SHOC1: variants seen among roughly 807,000 people sequenced by gnomAD.
SHOC1 encodes the protein shortage in chiasmata 1.
A neutral mutation model predicts 179.2 loss-of-function variants in SHOC1; 136 were observed. That is an observed-to-expected ratio of 0.76 (90% CI 0.66 to 0.87). The LOEUF (loss-of-function observed/expected upper bound fraction) is 0.87, where lower values mean the gene tolerates loss of function less well. SHOC1 is among the 40% of genes least tolerant of loss of function. SHOC1 has a pLI of 0.00. For missense variants in SHOC1, 1,538 were observed against 1,700.8 expected (o/e 0.90, Z 1.68); for synonymous variants, 489 against 586.6 (o/e 0.83, Z 2.41).
At position 111,726,833 on chromosome 9, in the gene SHOC1, C is replaced by G. The variant is rs1237445078; in HGVS notation, c.1834+800G>C. Among the ~76,000 whole-genome samples, 3 of 151,976 alleles carry G rather than the reference C, an allele frequency of 2.0e-5. No homozygotes were observed. The South Asian group carries it at 6.2e-4, about 31-fold the overall frequency. On this transcript the variant is annotated intron_variant, in intron 13 of 27. Coordinates refer to ENST00000682961, the MANE Select transcript of SHOC1 (RefSeq NM_001378211.1). ...AAGTGCTTTATAAAGCATAAAGATA[C>G]CTGTATTTATGATAATATTATTAAC...
At chr9:111,720,464 T>G (rs1832983500) in intron 15 of SHOC1, among the ~76,000 whole-genome samples, 1 of 152,180 alleles carries the variant, frequency 6.6e-6, no homozygotes, top group African/African-American at 2.4e-5. Context: ...AAGTGTTCAT[T>G]GAGATTTTTG....
chr9:111,714,538 C>G lies in SHOC1; in HGVS notation c.2322G>C (p.Gln774His), dbSNP rs1289381290. 1 of 1,613,918 alleles carries G rather than the reference C, an allele frequency of 6.2e-7. No individual in the cohort carries two copies. Among genetic ancestry groups the G allele is most frequent in the East Asian group, 2.2e-5 (1 of 44,830 alleles). Residue 774 changes from glutamine to histidine, a missense_variant, in exon 17 of 28, where the codon CAG becomes CAC. By Grantham distance (24) the Gln-to-His change is conservative (BLOSUM62 0). Coordinates refer to ENST00000682961, the MANE Select transcript of SHOC1 (RefSeq NM_001378211.1). ...GDIWRQLEIV[Q>H]FIRGKKPETN... ...TTTCAGGCTTTTTCCCCCTAATAAA[C>G]TGTACAATCTCCAGCTGTCTCCAAA...
intron 7 of SHOC1, among the ~76,000 whole-genome samples, chr9:111,757,042 C>T (rs1589447891): frequency 6.6e-6 from 1 of 152,294 alleles, no homozygotes; most frequent in East Asian, 1.9e-4. Context: ...AAGGAAACCC[C>T]TTAAGTGCTT....
chr9:111,759,693 A>T (rs947808512), intron 5 of SHOC1, among the ~76,000 whole-genome samples: 1 of 152,214 alleles, frequency 6.6e-6, no homozygotes, highest in South Asian at 2.1e-4. Context: ...CTGAAGGGAG[A>T]GCAATGGTTT....
At chr9:111,764,422 T>G (rs1835266788) in intron 5 of SHOC1, among the ~76,000 whole-genome samples, 2 of 152,196 alleles carry the variant, frequency 1.3e-5, no homozygotes, top group Non-Finnish European at 2.9e-5. Context: ...CACTGGTATT[T>G]TGCAATGTAT....
At chr9:111,731,812 A>G (rs1159259309) in intron 12 of SHOC1, among the ~76,000 whole-genome samples, 3 of 152,088 alleles carry the variant, frequency 2.0e-5, no homozygotes, top group Non-Finnish European at 4.4e-5. Context: ...AAAACATATC[A>G]TTCATGTTTT....
chr9:111,687,904 T>TATGTGTTTAGGAATCTATCTGTAAATTC (rs1831251007), intron 27 of SHOC1, among the ~76,000 whole-genome samples: 1 of 152,182 alleles, frequency 6.6e-6, no homozygotes, highest in African/African-American at 2.4e-5. Context: ...AGGGAGAGGT[T>TATGTGTTTAGGAATCTATCTGTAAATTC]ATGTGTTTAG....
At chr9:111,691,474 A>C (rs1831418048) in intron 27 of SHOC1, 77 bp downstream of exon 27, 1 of 1,409,002 alleles carries the variant, frequency 7.1e-7, no homozygotes, top group Admixed American at 2.4e-5. Context: ...AAACAAAAAA[A>C]ATGTTAAATT....
At position 111,713,918 on chromosome 9, in the gene SHOC1, T is replaced by G. The variant is rs189867244; in HGVS notation, c.2415+527A>C. On this transcript the variant is annotated intron_variant, in intron 17 of 27. Coordinates refer to ENST00000682961, the MANE Select transcript of SHOC1 (RefSeq NM_001378211.1). Reference sequence around the variant, plus strand: ...TTTAAAATAAATCATTGAGTTCTATTATTATGTATACGTTCATGGACTTAT... The same window carrying G: ...TTTAAAATAAATCATTGAGTTCTATGATTATGTATACGTTCATGGACTTAT... 3.9e-3 allele frequency among the ~76,000 whole-genome samples: 588 copies of G among 152,332 alleles called. 6 individuals carry two copies. The highest frequency in any genetic ancestry group is 0.014 in the African/African-American group (565 of 41,566).
chr9:111,778,627 TG>T (rs1264103583), intron 4 of SHOC1, among the ~76,000 whole-genome samples: 1 of 148,972 alleles, frequency 6.7e-6, no homozygotes, highest in Non-Finnish European at 1.5e-5. Flanking sequence ...AAAATTTAGC[TG>T]GGGGTGTTAG....
At position 111,692,074 on chromosome 9, in the gene SHOC1, T is replaced by A. The variant is rs1042091303; in HGVS notation, c.3903A>T (p.Gln1301His). 5.6e-6 allele frequency: 9 copies of A among 1,613,914 alleles called. No individual in the cohort carries two copies. The highest frequency in any genetic ancestry group is 1.3e-5 in the African/African-American group (1 of 75,048). ...ESDVFSLGLTQMNCETIKSPT... is the reference protein window; with the variant it reads ...ESDVFSLGLTHMNCETIKSPT... Reference sequence around the variant, plus strand: ...GTGATTTTATAGTTTCACAGTTCATTTGTGTTAGACCCAAAGAAAAGACAT... The same window carrying A: ...GTGATTTTATAGTTTCACAGTTCATATGTGTTAGACCCAAAGAAAAGACAT... Residue 1301 changes from glutamine to histidine, a missense_variant, in exon 27 of 28, where the codon CAA (glutamine) becomes CAT (histidine). Coordinates refer to ENST00000682961, the MANE Select transcript of SHOC1 (RefSeq NM_001378211.1).
intron 3 of SHOC1, among the ~76,000 whole-genome samples, chr9:111,783,656 G>A (rs1383406130): frequency 2.0e-5 from 3 of 152,148 alleles, no homozygotes; most frequent in African/African-American, 7.2e-5. Context: ...ACAGGTTTAT[G>A]TGTAATTTAC....
chr9:111,776,535 A>C (rs530349751), intron 4 of SHOC1, among the ~76,000 whole-genome samples: 38 of 152,132 alleles, frequency 2.5e-4, no homozygotes, highest in Non-Finnish European at 4.6e-4. Context: ...CCAGCCTTTT[A>C]TGTTCTGTTC....
intron 18 of SHOC1, among the ~76,000 whole-genome samples, chr9:111,712,317 G>A (rs538522005): frequency 1.3e-5 from 2 of 152,276 alleles, no homozygotes; most frequent in South Asian, 4.1e-4. Flanking sequence ...TGGATGATGG[G>A]AAATAACCAG....
At chr9:111,700,130 C>A in intron 23 of SHOC1, 83 bp from the exon 24 acceptor site, 1 of 822,452 alleles carries the variant, frequency 1.2e-6, no homozygotes. Context: ...TTCCACATTT[C>A]ATAATATTTT....
intron 5 of SHOC1, among the ~76,000 whole-genome samples, chr9:111,767,658 T>C (rs1381663466): frequency 2.0e-5 from 3 of 152,232 alleles, no homozygotes; most frequent in African/African-American, 7.2e-5. Flanking sequence ...AGGATTGCTT[T>C]GGCTATTTGG....
chr9:111,707,965 G>T, intron 18 of SHOC1, 41 bp from the exon 19 acceptor site: 1 of 1,215,882 alleles, frequency 8.2e-7, no homozygotes, highest in South Asian at 1.7e-5. Context: ...GTCTTGTTCA[G>T]ATACATATTT....
chr9:111,758,413 T>C (rs1369308601), intron 6 of SHOC1, among the ~76,000 whole-genome samples: 4 of 152,172 alleles, frequency 2.6e-5, no homozygotes, highest in Non-Finnish European at 5.9e-5. Context: ...CTGGCCAACA[T>C]GGTGAAACCA....
intron 15 of SHOC1, among the ~76,000 whole-genome samples, chr9:111,719,911 T>C (rs966122911): frequency 6.6e-6 from 1 of 152,202 alleles, no homozygotes; most frequent in Admixed American, 6.5e-5. Context: ...TTAATGAATT[T>C]AGAAAACAGA....
Sources: allele counts gnomAD v4.1 joint callset (sites outside exome capture counted in the v4.1 genomes callset), GRCh38; gene constraint gnomAD v4.1.1; transcripts MANE v1.5; gene names NCBI Gene and HGNC (gene_info 2026-07-23, HGNC 2026-07-21).